RFX4: variants seen among roughly 807,000 people sequenced by gnomAD.
RFX4 encodes regulatory factor X4.
A neutral mutation model predicts 95.0 loss-of-function variants in RFX4; 10 were observed. That is an observed-to-expected ratio of 0.11 (90% CI 0.06 to 0.18). The LOEUF (loss-of-function observed/expected upper bound fraction) is 0.18. Ranked by LOEUF, RFX4 falls within the 10% of genes least tolerant of loss-of-function variation. The pLI, the probability that RFX4 is intolerant of heterozygous loss-of-function variation, is 1.00. For synonymous variants in RFX4, 321 were observed against 340.7 expected (o/e 0.94, Z 0.64); for missense variants, 640 against 922.0 (o/e 0.69, Z 3.96).
chr12:106,589,892 G>A (rs144245438), intron 1 of RFX4, among the ~76,000 whole-genome samples: 95 of 152,312 alleles, frequency 6.2e-4, no homozygotes, highest in African/African-American at 2.2e-3. Flanking sequence ...GTAGAGATTT[G>A]GGGCACAGAC....
At chr12:106,630,985 A>G (rs1259586140) in intron 2 of RFX4, among the ~76,000 whole-genome samples, 2 of 152,170 alleles carry the variant, frequency 1.3e-5, no homozygotes, top group African/African-American at 4.8e-5. Flanking sequence ...TCTGCCACTC[A>G]CTATGTGACC....
intron 2 of RFX4, among the ~76,000 whole-genome samples, chr12:106,636,436 G>T (rs563554026): frequency 2.6e-5 from 4 of 151,504 alleles, no homozygotes; most frequent in African/African-American, 9.7e-5. Flanking sequence ...TAATGATCCA[G>T]GTGGCTACAC....
At chr12:106,608,215 A>G (rs1431207130) in intron 1 of RFX4, among the ~76,000 whole-genome samples, 2 of 152,140 alleles carry the variant, frequency 1.3e-5, no homozygotes, top group Non-Finnish European at 2.9e-5. Context: ...GAGGGGCTAC[A>G]TAGCTACCAT....
chr12:106,593,025 G>C (rs1343301431), intron 1 of RFX4, among the ~76,000 whole-genome samples: 1 of 152,166 alleles, frequency 6.6e-6, no homozygotes, highest in Admixed American at 6.5e-5. Context: ...AGATTACGGA[G>C]TTTATGTGTG....
intron 2 of RFX4, among the ~76,000 whole-genome samples, chr12:106,622,938 C>T (rs1376967147): frequency 6.6e-6 from 1 of 151,534 alleles, no homozygotes; most frequent in Non-Finnish European, 1.5e-5. Flanking sequence ...ATTTTTTCCC[C>T]CTAGCAGGTG....
intron 13 of RFX4, among the ~76,000 whole-genome samples, chr12:106,722,411 G>A (rs2137534072): frequency 6.6e-6 from 1 of 152,300 alleles, no homozygotes; most frequent in African/African-American, 2.4e-5. Flanking sequence ...TAATTCCCTT[G>A]CAATATTCTT....
intron 8 of RFX4, among the ~76,000 whole-genome samples, chr12:106,696,795 AT>A (rs143493662): frequency 0.2 from 31,153 of 152,098 alleles, 3,482 homozygotes; most frequent in South Asian, 0.28. Flanking sequence ...ATCAATGCAT[AT>A]AATATACTGT....
chr12:106,598,496 C>T lies in RFX4; in HGVS notation c.44-10301C>T, dbSNP rs147567268. ...CAAAAAAAGAAAAGAAAGGTAGTTA[C>T]CGGGTTAGAGTGGTGGGATTGTGGG... On this transcript the variant is annotated intron_variant, in intron 1 of 17. Transcript: ENST00000392842. Among the ~76,000 whole-genome samples the T allele has an allele frequency of 5.8e-3, 876 of 152,180 alleles. 8 individuals carry two copies. Among genetic ancestry groups the T allele is most frequent in the African/African-American group, 0.02 (839 of 41,522 alleles).
chr12:106,671,017 C>T (rs951946584), intron 4 of RFX4, among the ~76,000 whole-genome samples: 5 of 152,108 alleles, frequency 3.3e-5, no homozygotes, highest in African/African-American at 1.2e-4. Flanking sequence ...GGTTATAAAA[C>T]AGGAACTTGT....
intron 2 of RFX4, among the ~76,000 whole-genome samples, chr12:106,634,494 C>T (rs890197952): frequency 3.9e-5 from 6 of 152,176 alleles, no homozygotes; most frequent in Non-Finnish European, 4.4e-5. Context: ...TCCCAACAAC[C>T]TTTTGAGGTA....
At chr12:106,584,270 G>C (rs1012203907) in intron 1 of RFX4, among the ~76,000 whole-genome samples, 11 of 152,142 alleles carry the variant, frequency 7.2e-5, no homozygotes, top group Admixed American at 7.2e-4. Flanking sequence ...TTCTAGATCT[G>C]TTAACGCTCC....
intron 15 of RFX4, among the ~76,000 whole-genome samples, chr12:106,734,714 T>G (rs987783099): frequency 1.4e-4 from 21 of 152,012 alleles, no homozygotes; most frequent in Admixed American, 1.3e-4. Flanking sequence ...AGAGTCTATA[T>G]CCAAAGGAAT....
chr12:106,604,411 C>A (rs895134501), intron 1 of RFX4, among the ~76,000 whole-genome samples: 1 of 152,036 alleles, frequency 6.6e-6, no homozygotes, highest in Admixed American at 6.5e-5. Context: ...TGTGAGCCAC[C>A]ACACCTGGCC....
intron 2 of RFX4, among the ~76,000 whole-genome samples, chr12:106,630,890 T>C (rs899136342): frequency 6.6e-6 from 1 of 152,202 alleles, no homozygotes; most frequent in African/African-American, 2.4e-5. Context: ...AGTCCAGTAC[T>C]ATGAGTTTGA....
At chr12:106,688,913 T>C (rs2041722110) in intron 6 of RFX4, among the ~76,000 whole-genome samples, 1 of 152,198 alleles carries the variant, frequency 6.6e-6, no homozygotes, top group South Asian at 2.1e-4. Context: ...TTTAGTTCCA[T>C]AACCCTGCTT....
intron 7 of RFX4, among the ~76,000 whole-genome samples, chr12:106,692,794 G>A (rs1049342278): frequency 6.6e-6 from 1 of 152,246 alleles, no homozygotes; most frequent in Non-Finnish European, 1.5e-5. Context: ...ATGCCTACAC[G>A]ATGCCAAGCA....
Position 106,614,658 on chromosome 12 carries a change from G to A in RFX4, c.130+5775G>A, listed in dbSNP as rs1252332165. Among the ~76,000 whole-genome samples the A allele has an allele frequency of 4.6e-5, 7 of 152,024 alleles. No individual in the cohort carries two copies. The South Asian group carries it at 8.3e-4, about 18-fold the overall frequency. Reference sequence around the variant, plus strand: ...TGAGTAGCTGGGACTACAGGCACCCGCCACCACGCCCGGCTAATTTTTTTG... The same window carrying A: ...TGAGTAGCTGGGACTACAGGCACCCACCACCACGCCCGGCTAATTTTTTTG... On this transcript the variant is annotated intron_variant, in intron 2 of 17. Coordinates refer to ENST00000392842, the MANE Select transcript of RFX4 (RefSeq NM_213594.3).
intron 1 of RFX4, among the ~76,000 whole-genome samples, chr12:106,585,540 G>C (rs1485546501): frequency 2.0e-5 from 3 of 152,148 alleles, no homozygotes; most frequent in Non-Finnish European, 4.4e-5. Context: ...GGCTCGGCGT[G>C]GTCCAGTCCA....
chr12:106,594,764 G>A (rs1443745045), intron 1 of RFX4, among the ~76,000 whole-genome samples: 1 of 150,770 alleles, frequency 6.6e-6, no homozygotes, highest in African/African-American at 2.4e-5. Context: ...CATGGATCCC[G>A]TGTTCTGCTC....
Sources: allele counts gnomAD v4.1 joint callset (sites outside exome capture counted in the v4.1 genomes callset), GRCh38; gene constraint gnomAD v4.1.1; transcripts MANE v1.5; gene names NCBI Gene and HGNC (gene_info 2026-07-23, HGNC 2026-07-21).